The following CALD1 variants were observed in gnomAD, a reference collection of about 807,000 sequenced individuals.
The protein encoded by CALD1 is caldesmon.
Under a neutral mutation model 99.9 loss-of-function variants are expected in CALD1, and 33 were observed. The observed-to-expected ratio is 0.33, with a 90% CI of 0.25 to 0.44. The LOEUF (loss-of-function observed/expected upper bound fraction) is 0.44. Among genes scored for constraint, CALD1 ranks in the 20% least tolerant of loss-of-function variants. The pLI is 1.00. For missense variants in CALD1, 861 were observed against 962.1 expected (o/e 0.89, Z 1.39); for synonymous variants, 310 against 325.0 (o/e 0.95, Z 0.50).
intron 2 of CALD1, among the ~76,000 whole-genome samples, chr7:134,850,707 G>A (rs187482896): frequency 3.7e-4 from 57 of 152,154 alleles, no homozygotes; most frequent in African/African-American, 1.2e-3. Flanking sequence ...AGCAACCCAG[G>A]GCCCATGCTG....
chr7:134,866,447 A>T (rs1241653874), intron 2 of CALD1, among the ~76,000 whole-genome samples: 1 of 152,222 alleles, frequency 6.6e-6, no homozygotes, highest in African/African-American at 2.4e-5. Context: ...AAGGGGAAAA[A>T]TTCAAACATT....
chr7:134,867,837 C>G (rs1318131655), intron 3 of CALD1, 33 bp downstream of exon 3: 1 of 1,394,304 alleles, frequency 7.2e-7, no homozygotes, highest in South Asian at 1.2e-5. Context: ...ACTTGTATTC[C>G]CTTATTAACA....
chr7:134,917,976 T>C (rs1804338200), intron 3 of CALD1, among the ~76,000 whole-genome samples: 1 of 152,234 alleles, frequency 6.6e-6, no homozygotes, highest in Non-Finnish European at 1.5e-5. Flanking sequence ...TTTGTAAACA[T>C]TTATAAATTA....
chr7:134,825,210 G>T (rs747245765), intron 1 of CALD1, among the ~76,000 whole-genome samples: 2 of 152,096 alleles, frequency 1.3e-5, no homozygotes, highest in African/African-American at 2.4e-5. Context: ...ATGGGAAAAG[G>T]GGTAAGGTAA....
chr7:134,728,586 G>A, the CALD1 span, among the ~76,000 whole-genome samples: 1 of 152,162 alleles, frequency 6.6e-6, no homozygotes, highest in Non-Finnish European at 1.5e-5. Context: ...GCAGCTTTAG[G>A]CTAAACCTGA....
At chr7:134,930,871 C>T (rs1805472577) in intron 4 of CALD1, among the ~76,000 whole-genome samples, 1 of 152,120 alleles carries the variant, frequency 6.6e-6, no homozygotes, top group Non-Finnish European at 1.5e-5. Flanking sequence ...TCATTCACTG[C>T]CTTTTCCATT....
At chr7:134,717,860 G>T in the CALD1 span, among the ~76,000 whole-genome samples, 2 of 152,106 alleles carry the variant, frequency 1.3e-5, no homozygotes, top group Non-Finnish European at 2.9e-5. Context: ...TAAATATGGA[G>T]ACATATATTT....
chr7:134,726,639 C>T, the CALD1 span, among the ~76,000 whole-genome samples: 1 of 151,200 alleles, frequency 6.6e-6, no homozygotes, highest in African/African-American at 2.4e-5. Flanking sequence ...TTCTAGCCAT[C>T]ACCATAAAAA....
intron 1 of CALD1, among the ~76,000 whole-genome samples, chr7:134,768,892 A>G (rs543780574): frequency 6.6e-6 from 1 of 152,178 alleles, no homozygotes; most frequent in Non-Finnish European, 1.5e-5. Flanking sequence ...ATGTGGTTCT[A>G]GTCCATTCTC....
chr7:134,775,270 T>G (rs1031256026), upstream of CALD1, among the ~76,000 whole-genome samples: 10 of 152,224 alleles, frequency 6.6e-5, no homozygotes, highest in African/African-American at 1.9e-4. Flanking sequence ...ATTGATCTAT[T>G]TGTTTAGTCT....
At chr7:134,953,308 G>A (rs1312381621) in intron 9 of CALD1, among the ~76,000 whole-genome samples, 1 of 151,980 alleles carries the variant, frequency 6.6e-6, no homozygotes, top group Admixed American at 6.6e-5. Context: ...GTGAAACCTC[G>A]TCTCTACTAA....
chr7:134,766,441 C>T (rs10242228), intron 1 of CALD1, among the ~76,000 whole-genome samples: 146 of 152,226 alleles, frequency 9.6e-4, no homozygotes, highest in African/African-American at 3.3e-3. Context: ...CCACCGCACC[C>T]GGCCTCCTCT....
intron 2 of CALD1, among the ~76,000 whole-genome samples, chr7:134,859,485 A>C (rs1800470136): frequency 6.6e-6 from 1 of 152,214 alleles, no homozygotes; most frequent in Non-Finnish European, 1.5e-5. Flanking sequence ...AAGGAAAAGT[A>C]TTTAAATGCT....
At chr7:134,823,376 G>C (rs1392446599) in intron 1 of CALD1, among the ~76,000 whole-genome samples, 1 of 152,186 alleles carries the variant, frequency 6.6e-6, no homozygotes, top group East Asian at 1.9e-4. Context: ...ATGTCTGGTT[G>C]ATTGAATATG....
At chr7:134,808,736 A>G (rs1798245860) in intron 1 of CALD1, among the ~76,000 whole-genome samples, 1 of 152,214 alleles carries the variant, frequency 6.6e-6, no homozygotes, top group African/African-American at 2.4e-5. Flanking sequence ...CAATTTGCAG[A>G]CCTTCAGGAT....
chr7:134,794,702 G>C (rs950124014), intron 1 of CALD1, among the ~76,000 whole-genome samples: 1 of 152,098 alleles, frequency 6.6e-6, no homozygotes, highest in Non-Finnish European at 1.5e-5. Context: ...GGCCAGGCTG[G>C]TCTTGAACTC....
intron 1 of CALD1, among the ~76,000 whole-genome samples, chr7:134,786,314 T>C (rs2131718429): frequency 6.6e-6 from 1 of 152,406 alleles, no homozygotes; most frequent in South Asian, 2.1e-4. Context: ...TGCTAATTTA[T>C]TTAAAAGAGT....
chr7:134,903,153 C>A (rs1310801951), intron 3 of CALD1, among the ~76,000 whole-genome samples: 1 of 152,106 alleles, frequency 6.6e-6, no homozygotes, highest in Admixed American at 6.6e-5. Flanking sequence ...GGTTTCTAGG[C>A]ACTAGGGCAA....
intron 1 of CALD1, among the ~76,000 whole-genome samples, chr7:134,802,836 A>G (rs1447253289): frequency 6.6e-6 from 1 of 152,268 alleles, no homozygotes; most frequent in East Asian, 1.9e-4. Flanking sequence ...GTCAAGGACC[A>G]TCTGTGTAAG....
Sources: gnomAD v4.1 joint callset for allele counts (sites outside exome capture counted in the v4.1 genomes callset) on GRCh38, gnomAD v4.1.1 for gene constraint, MANE v1.5 for transcripts, NCBI Gene and HGNC (gene_info 2026-07-23, HGNC 2026-07-21) for gene names.